SLC44A5: variants seen among roughly 807,000 people sequenced by gnomAD.
SLC44A5 encodes the protein solute carrier family 44 member 5.
A neutral mutation model predicts 101.8 loss-of-function variants in SLC44A5; 57 were observed. The observed-to-expected ratio is 0.56, with a 90% CI of 0.45 to 0.70. The LOEUF is 0.70. SLC44A5 is among the 30% of genes least tolerant of loss of function. The pLI is 0.00. For missense variants in SLC44A5, 737 were observed against 853.1 expected, an observed-to-expected ratio of 0.86 and a Z score of 1.70; for synonymous variants, 281 against 290.9, an observed-to-expected ratio of 0.97 and a Z score of 0.35.
chr1:75,657,789 A>G, the SLC44A5 span, among the ~76,000 whole-genome samples: 1 of 152,108 alleles, frequency 6.6e-6, no homozygotes, highest in African/African-American at 2.4e-5. Context: ...ACATTAATAG[A>G]TCAAAAGGAA....
At chr1:75,451,454 A>G (rs1483731793) in intron 2 of SLC44A5, among the ~76,000 whole-genome samples, 4 of 152,106 alleles carry the variant, frequency 2.6e-5, no homozygotes, top group African/African-American at 9.7e-5. Flanking sequence ...ATTCTCTACC[A>G]TCGTACTCCC....
At chr1:75,341,504 A>G (rs749316247) in intron 3 of SLC44A5, among the ~76,000 whole-genome samples, 21 of 152,054 alleles carry the variant, frequency 1.4e-4, no homozygotes, top group Admixed American at 4.6e-4. Context: ...AGAGAAAGGA[A>G]GGAAAGGAAG....
chr1:75,352,061 C>A (rs544016004), intron 3 of SLC44A5, among the ~76,000 whole-genome samples: 1 of 151,744 alleles, frequency 6.6e-6, no homozygotes, highest in Non-Finnish European at 1.5e-5. Flanking sequence ...AACAGGATTT[C>A]TTTGGAGTAC....
At chr1:75,513,759 T>A (rs951026651) in intron 2 of SLC44A5, among the ~76,000 whole-genome samples, 1 of 152,208 alleles carries the variant, frequency 6.6e-6, no homozygotes, top group African/African-American at 2.4e-5. Context: ...ACTTTTCCTA[T>A]TGGCTCTTCT....
At chr1:75,673,569 A>G in the SLC44A5 span, among the ~76,000 whole-genome samples, 1 of 152,134 alleles carries the variant, frequency 6.6e-6, no homozygotes, top group African/African-American at 2.4e-5. Flanking sequence ...CCTTGAGTGA[A>G]CATAGGTGGT....
intron 4 of SLC44A5, among the ~76,000 whole-genome samples, chr1:75,337,470 T>C (rs1056854589): frequency 1.3e-5 from 2 of 152,216 alleles, no homozygotes; most frequent in Non-Finnish European, 2.9e-5. Context: ...AGAGCTTTCA[T>C]TTCTTAGTTT....
At chr1:75,347,667 G>A (rs1658346770) in intron 3 of SLC44A5, among the ~76,000 whole-genome samples, 2 of 138,244 alleles carry the variant, frequency 1.4e-5, no homozygotes, top group African/African-American at 2.6e-5. Context: ...CTTTCCCAGG[G>A]CTAAGGGAGT....
intron 2 of SLC44A5, among the ~76,000 whole-genome samples, chr1:75,505,011 C>G (rs1266152277): frequency 2.0e-5 from 3 of 152,084 alleles, no homozygotes; most frequent in Non-Finnish European, 4.4e-5. Context: ...TCTCCCCTCT[C>G]TAGTAGTCTT....
intron 3 of SLC44A5, among the ~76,000 whole-genome samples, chr1:75,376,685 A>C (rs1660643742): frequency 6.6e-6 from 1 of 151,516 alleles, no homozygotes; most frequent in African/African-American, 2.4e-5. Context: ...TCTGTACATC[A>C]CCATCATCAA....
intron 2 of SLC44A5, among the ~76,000 whole-genome samples, chr1:75,484,669 C>T (rs1041781047): frequency 6.6e-6 from 1 of 152,194 alleles, no homozygotes; most frequent in Non-Finnish European, 1.5e-5. Flanking sequence ...GCATTGCCCT[C>T]CCCTCTGCAT....
At position 75,214,679 on chromosome 1, in the gene SLC44A5, C is replaced by T; in HGVS notation, c.1729-1G>A. 6.2e-7 allele frequency: 1 copy of T among 1,610,090 alleles called. No individual in the cohort carries two copies. The highest frequency in any genetic ancestry group is 8.5e-7 in the Non-Finnish European group (1 of 1,177,842). The stretch of plus-strand genomic sequence containing the variant: ...AGAAGTTTCTGCCATATATTGCAAT[C>T]TGAGGAAGACAGTGGCTATTATTCT... On this transcript the variant is annotated splice_acceptor_variant, in intron 19 of 23. Transcript: ENST00000370859. LOFTEE classifies it high-confidence loss of function.
At chr1:75,580,874 GA>G (rs1673657285) in intron 1 of SLC44A5, among the ~76,000 whole-genome samples, 1 of 151,494 alleles carries the variant, frequency 6.6e-6, no homozygotes, top group African/African-American at 2.4e-5. Context: ...ACAAAGAAAG[GA>G]AAGGAAAGAG....
chr1:75,323,515 A>C (rs1021457309), intron 4 of SLC44A5, among the ~76,000 whole-genome samples: 12 of 152,200 alleles, frequency 7.9e-5, no homozygotes, highest in African/African-American at 2.9e-4. Flanking sequence ...AGGAATCGCC[A>C]CACTGACTTC....
Position 75,314,748 on chromosome 1 carries a change from A to G in SLC44A5, c.102-14063T>C, listed in dbSNP as rs1655562989. Among the ~76,000 whole-genome samples, 3 of 152,316 alleles carry G rather than the reference A, an allele frequency of 2.0e-5. No individual in the cohort carries two copies. In the South Asian group the frequency reaches 6.2e-4, roughly 32 times the overall value. Reference sequence around the variant, plus strand: ...TTGATCATCACTTTTATTGAGCTCAATGCTTTTCAGAATTTAGATCTATCA... The same window carrying G: ...TTGATCATCACTTTTATTGAGCTCAGTGCTTTTCAGAATTTAGATCTATCA... On this transcript the variant is annotated intron_variant, in intron 4 of 23. Coordinates refer to ENST00000370859, the MANE Select transcript of SLC44A5 (RefSeq NM_001130058.2).
At chr1:75,615,432 T>TACACACACACACACAC (rs776361396), upstream of SLC44A5, among the ~76,000 whole-genome samples, 154 of 77,016 alleles carry the variant, frequency 2.0e-3, 2 homozygotes, top group Middle Eastern at 0.016. Flanking sequence ...CACACACACA[T>TACACACACACACACAC]ACATACACAC....
intron 4 of SLC44A5, among the ~76,000 whole-genome samples, chr1:75,332,754 C>G (rs1045757819): frequency 2.0e-5 from 3 of 152,120 alleles, no homozygotes; most frequent in Admixed American, 2.0e-4. Context: ...GATTCACTGA[C>G]TCTGTGATTC....
chr1:75,386,043 T>C (rs1661315107), intron 3 of SLC44A5, among the ~76,000 whole-genome samples: 2 of 152,128 alleles, frequency 1.3e-5, no homozygotes, highest in African/African-American at 2.4e-5. Flanking sequence ...AAATTAGGCA[T>C]TGATGGGACG....
At chr1:75,686,097 C>T in the SLC44A5 span, among the ~76,000 whole-genome samples, 12 of 152,064 alleles carry the variant, frequency 7.9e-5, no homozygotes, top group African/African-American at 2.7e-4. Context: ...GGTAACCACC[C>T]CCATGGTTCA....
At chr1:75,700,935 C>T in the SLC44A5 span, among the ~76,000 whole-genome samples, 1 of 152,162 alleles carries the variant, frequency 6.6e-6, no homozygotes, top group Non-Finnish European at 1.5e-5. Context: ...TGGAGACATA[C>T]AGCCTCCCAA....
Sources: allele counts gnomAD v4.1 joint callset (sites outside exome capture counted in the v4.1 genomes callset), GRCh38; gene constraint gnomAD v4.1.1; transcripts MANE v1.5; gene names NCBI Gene and HGNC (gene_info 2026-07-23, HGNC 2026-07-21).